TRPC4: variants seen among roughly 807,000 people sequenced by gnomAD.
The protein encoded by TRPC4 is short transient receptor potential channel 4.
TRPC4 carries 49 observed loss-of-function variants against 99.4 expected under a neutral mutation model. The observed-to-expected ratio is 0.49, with a 90% CI of 0.39 to 0.63. The LOEUF (loss-of-function observed/expected upper bound fraction) is 0.63, where lower values mean the gene tolerates loss of function less well. Among genes scored for constraint, TRPC4 ranks in the 20% least tolerant of loss-of-function variants. The pLI is 0.00. For missense variants in TRPC4, 898 were observed against 1,152.9 expected (o/e 0.78, Z 3.20); for synonymous variants, 454 against 425.9 (o/e 1.07, Z -0.81).
chr13:37,754,338 A>C (rs1377067375), intron 2 of TRPC4, among the ~76,000 whole-genome samples: 2 of 152,132 alleles, frequency 1.3e-5, no homozygotes, highest in Non-Finnish European at 2.9e-5. Context: ...GTAGGCACTC[A>C]ATAACTACTA....
chr13:37,866,868 A>G (rs1959790157), intron 1 of TRPC4, among the ~76,000 whole-genome samples: 1 of 144,740 alleles, frequency 6.9e-6, no homozygotes, highest in African/African-American at 2.5e-5. Context: ...GGTATAGGGT[A>G]TAAATTAGGT....
chr13:37,778,341 A>G (rs1487152449), intron 2 of TRPC4, among the ~76,000 whole-genome samples: 4 of 152,034 alleles, frequency 2.6e-5, no homozygotes, highest in African/African-American at 9.7e-5. Context: ...TCATAGGATA[A>G]TATAAAGATT....
chr13:37,659,860 T>C (rs960964580), intron 6 of TRPC4, among the ~76,000 whole-genome samples: 15 of 152,130 alleles, frequency 9.9e-5, no homozygotes, highest in African/African-American at 3.6e-4. Flanking sequence ...GGGTGGATTG[T>C]GGTGATGTTG....
chr13:37,853,741 A>T (rs866080075), intron 1 of TRPC4, among the ~76,000 whole-genome samples: 1 of 151,994 alleles, frequency 6.6e-6, no homozygotes, highest in Admixed American at 6.6e-5. Context: ...AAATAACTGA[A>T]AAGAATCAAG....
chr13:37,662,437 G>T (rs865969029), intron 6 of TRPC4, among the ~76,000 whole-genome samples: 4 of 152,220 alleles, frequency 2.6e-5, no homozygotes, highest in South Asian at 2.1e-4. Context: ...TAACTAAAAT[G>T]AAGTTTTAAA....
At chr13:37,821,197 C>CACACACACACACACAA (rs1419094992) in intron 1 of TRPC4, among the ~76,000 whole-genome samples, 3 of 144,112 alleles carry the variant, frequency 2.1e-5, no homozygotes, top group African/African-American at 7.7e-5. Context: ...TAGCCACACA[C>CACACACACACACACAA]ACACACACAC....
intron 1 of TRPC4, among the ~76,000 whole-genome samples, chr13:37,842,363 A>AAAAAAAAAAAAAAAAAAAAAAAAAAT (rs1958764346): frequency 7.0e-6 from 1 of 143,788 alleles, no homozygotes; most frequent in East Asian, 2.0e-4. Flanking sequence ...AAAAAAAAAA[A>AAAAAAAAAAAAAAAAAAAAAAAAAAT]AAAAAAAGGA....
At chr13:37,719,902 T>TAAA (rs1954810579) in intron 3 of TRPC4, among the ~76,000 whole-genome samples, 1 of 152,264 alleles carries the variant, frequency 6.6e-6, no homozygotes, top group African/African-American at 2.4e-5. Context: ...GTTAAAACAT[T>TAAA]ATTCTGTTTT....
chr13:37,847,503 G>T (rs1958937079), intron 1 of TRPC4, among the ~76,000 whole-genome samples: 1 of 151,940 alleles, frequency 6.6e-6, no homozygotes, highest in African/African-American at 2.4e-5. Context: ...AATTAAAATG[G>T]AAACACAACA....
chr13:37,848,072 C>T (rs193289872), intron 1 of TRPC4, among the ~76,000 whole-genome samples: 1 of 152,064 alleles, frequency 6.6e-6, no homozygotes, highest in African/African-American at 2.4e-5. Flanking sequence ...ATGAGTTTGC[C>T]TTTTAGATTT....
intron 2 of TRPC4, among the ~76,000 whole-genome samples, chr13:37,769,085 A>C (rs1956472831): frequency 6.6e-6 from 1 of 151,512 alleles, no homozygotes; most frequent in Non-Finnish European, 1.5e-5. Flanking sequence ...GGAAACTTGT[A>C]ATTTTATTGA....
chr13:37,691,350 C>T (rs771113356), intron 4 of TRPC4, among the ~76,000 whole-genome samples: 3 of 152,090 alleles, frequency 2.0e-5, no homozygotes, highest in African/African-American at 4.8e-5. Context: ...GTGATCCGCC[C>T]GCCTCGGCCT....
intron 1 of TRPC4, among the ~76,000 whole-genome samples, chr13:37,824,798 G>C (rs1295482052): frequency 6.6e-6 from 1 of 152,104 alleles, no homozygotes; most frequent in Non-Finnish European, 1.5e-5. Context: ...AAATGAGTTA[G>C]GGAGGATTCC....
chr13:37,786,686 T>C (rs1188613377), intron 1 of TRPC4, among the ~76,000 whole-genome samples: 1 of 152,020 alleles, frequency 6.6e-6, no homozygotes, highest in Non-Finnish European at 1.5e-5. Flanking sequence ...TCCTCCACTT[T>C]TAGAATAAAC....
chr13:37,834,007 T>C (rs2139604988), intron 1 of TRPC4, among the ~76,000 whole-genome samples: 1 of 152,328 alleles, frequency 6.6e-6, no homozygotes, highest in East Asian at 1.9e-4. Flanking sequence ...CCTTAATATT[T>C]TTTATTCATT....
chr13:37,833,948 G>A (rs190964477), intron 1 of TRPC4, among the ~76,000 whole-genome samples: 1 of 152,324 alleles, frequency 6.6e-6, no homozygotes, highest in Admixed American at 6.5e-5. Context: ...GCTATCAAGT[G>A]TAGCGGTTAT....
At chr13:37,764,377 G>A (rs1266440867) in intron 2 of TRPC4, among the ~76,000 whole-genome samples, 2 of 150,224 alleles carry the variant, frequency 1.3e-5, no homozygotes, top group Admixed American at 6.7e-5. Context: ...TGTTTATAAT[G>A]TATAGACCAA....
chr13:37,701,346 C>T (rs1204423643), intron 3 of TRPC4, among the ~76,000 whole-genome samples: 1 of 152,050 alleles, frequency 6.6e-6, no homozygotes, highest in African/African-American at 2.4e-5. Context: ...GATGTTCCTC[C>T]CCGGCTGCAC....
At chr13:37,783,694 T>G (rs1485636942) in intron 1 of TRPC4, among the ~76,000 whole-genome samples, 1 of 152,112 alleles carries the variant, frequency 6.6e-6, no homozygotes, top group African/African-American at 2.4e-5. Context: ...TAGTTTTCAA[T>G]CACTTTGAGT....
Sources: allele counts gnomAD v4.1 joint callset (sites outside exome capture counted in the v4.1 genomes callset), GRCh38; gene constraint gnomAD v4.1.1; transcripts MANE v1.5; gene names NCBI Gene and HGNC (gene_info 2026-07-23, HGNC 2026-07-21).